APOL4: variants seen among roughly 807,000 people sequenced by gnomAD.
APOL4 encodes apolipoprotein L4.
Under a neutral mutation model 12.1 loss-of-function variants are expected in APOL4, and 14 were observed. The ratio of observed to expected loss-of-function variants is 1.16; its 90% CI spans 0.76 to 1.81. APOL4 has a LOEUF of 1.81. Among genes scored for constraint, APOL4 ranks in the 40% most tolerant of loss-of-function variants. The probability of loss-of-function intolerance (pLI) is 0.00; values close to 1 mark genes in which losing one functional copy is unlikely to be tolerated. For missense variants in APOL4, 432 were observed against 423.1 expected (o/e 1.02, Z -0.18); for synonymous variants, 171 against 160.6 (o/e 1.06, Z -0.49).
chr22:36,192,450 G>A (rs893072658), intron 3 of APOL4, among the ~76,000 whole-genome samples: 2 of 152,102 alleles, frequency 1.3e-5, no homozygotes, highest in African/African-American at 4.8e-5. Flanking sequence ...GTCATCTTCC[G>A]ATGCTCTTTA....
chr22:36,204,002 G>C (rs1371691689), upstream of APOL4, among the ~76,000 whole-genome samples: 1 of 152,148 alleles, frequency 6.6e-6, no homozygotes, highest in Non-Finnish European at 1.5e-5. Context: ...AGAGGTGAGG[G>C]CCACAGACAT....
At position 36,200,026 on chromosome 22, in the gene APOL4, C is replaced by T. The variant is rs572010358; in HGVS notation, c.36-650G>A. The stretch of plus-strand genomic sequence containing the variant: ...GTTTCACCGTGTTAGCCAGGATGGT[C>T]TCGATCTCCTGACCTCATGATCAGC... On this transcript the variant is annotated intron_variant, in intron 1 of 3. Transcript: ENST00000683024. Among the ~76,000 whole-genome samples the T allele has an allele frequency of 2.6e-5, 4 of 151,778 alleles. No homozygotes were observed. In the East Asian group the frequency reaches 7.9e-4, roughly 30 times the overall value.
intron 1 of APOL4, 74 bp from the exon 2 acceptor site, chr22:36,199,450 G>A (rs2014505423): frequency 1.9e-6 from 3 of 1,613,050 alleles, no homozygotes; most frequent in Non-Finnish European, 2.5e-6. Flanking sequence ...GAACAGCTGG[G>A]CCTCTGCAGA....
chr22:36,192,914 A>G (rs1340703106), intron 3 of APOL4, among the ~76,000 whole-genome samples: 1 of 152,204 alleles, frequency 6.6e-6, no homozygotes, highest in Non-Finnish European at 1.5e-5. Context: ...TCATGAGTTA[A>G]GAAAGACTTA....
chr22:36,193,493 A>G (rs4821463), intron 3 of APOL4, among the ~76,000 whole-genome samples: 86,055 of 152,066 alleles, frequency 0.57, 24,931 homozygotes, highest in East Asian at 0.82. Context: ...TCTGCCCTGT[A>G]TGTCTCTTCC....
chr22:36,202,734 G>C (rs5995245), upstream of APOL4, among the ~76,000 whole-genome samples: 1 of 143,218 alleles, frequency 7.0e-6, no homozygotes, highest in Non-Finnish European at 1.5e-5. Flanking sequence ...TCAGAAAAAA[G>C]AAAAAAAAAA....
intron 2 of APOL4, among the ~76,000 whole-genome samples, chr22:36,198,413 ACCT>A (rs1196762306): frequency 1.3e-5 from 2 of 151,782 alleles, no homozygotes; most frequent in Non-Finnish European, 2.9e-5. Flanking sequence ...ATAACACAAA[ACCT>A]CCTCCAGTTT....
At chr22:36,201,897 A>G, upstream of APOL4, 1 of 1,603,280 alleles carries the variant, frequency 6.2e-7, no homozygotes, top group South Asian at 1.1e-5. Context: ...TCCTAGAAAA[A>G]CCCACATGGC....
chr22:36,198,756 G>A (rs1418349975), intron 2 of APOL4, among the ~76,000 whole-genome samples: 1 of 152,198 alleles, frequency 6.6e-6, no homozygotes, highest in Non-Finnish European at 1.5e-5. Flanking sequence ...GAGGAGTAAG[G>A]AGCTCCAGGT....
chr22:36,197,518 A>G, intron 2 of APOL4: 1 of 1,348,626 alleles, frequency 7.4e-7, no homozygotes, highest in Non-Finnish European at 9.6e-7. Flanking sequence ...CAAAATTAAA[A>G]TAAAAACCAG....
intron 3 of APOL4, among the ~76,000 whole-genome samples, chr22:36,193,229 G>A (rs1017687189): frequency 5.9e-5 from 9 of 152,206 alleles, no homozygotes; most frequent in South Asian, 2.1e-4. Flanking sequence ...TCCATCTGCC[G>A]CCCCTTACCC....
At chr22:36,202,273 A>G (rs2014605972), upstream of APOL4, among the ~76,000 whole-genome samples, 1 of 151,956 alleles carries the variant, frequency 6.6e-6, no homozygotes, top group Non-Finnish European at 1.5e-5. Flanking sequence ...TGCTGGGCTA[A>G]TTTGTTAATT....
At chr22:36,199,105 C>T (rs940892879) in intron 2 of APOL4, among the ~76,000 whole-genome samples, 2 of 152,234 alleles carry the variant, frequency 1.3e-5, no homozygotes, top group African/African-American at 4.8e-5. Context: ...TGGGCCATGA[C>T]CCGCTGAGGA....
At chr22:36,199,224 G>C in intron 2 of APOL4, 106 bp downstream of exon 2, 1 of 1,484,746 alleles carries the variant, frequency 6.7e-7, no homozygotes, top group South Asian at 1.1e-5. Flanking sequence ...GTTCCGTTGG[G>C]GCTCACTCAG....
chr22:36,200,225 T>A (rs1432136380), intron 1 of APOL4, among the ~76,000 whole-genome samples: 1 of 152,228 alleles, frequency 6.6e-6, no homozygotes, highest in Non-Finnish European at 1.5e-5. Flanking sequence ...AACTTGCCAG[T>A]GTTTTCTATT....
Position 36,189,811 on chromosome 22 carries a change from G to C in APOL4, c.*1264C>G, listed in dbSNP as rs189590278. 6.6e-6 allele frequency: 1 copy of C among 152,434 alleles called. No homozygotes were observed. 9.4% of individuals were successfully genotyped at this position (152,434 alleles called of 1,614,324 possible). ...CCAGCATTTCTGCCTTCTCCTTGGCGCACTTGCCATCTTGAGTAACCCCTC... is the reference window on the plus strand; with the variant it reads ...CCAGCATTTCTGCCTTCTCCTTGGCCCACTTGCCATCTTGAGTAACCCCTC... On this transcript the variant is annotated 3_prime_UTR_variant, in exon 4 of 4. Transcript: ENST00000683024.
intron 2 of APOL4, among the ~76,000 whole-genome samples, chr22:36,197,208 T>A (rs1218040767): frequency 6.6e-6 from 1 of 152,180 alleles, no homozygotes; most frequent in Admixed American, 6.5e-5. Context: ...CAGCTTCTAA[T>A]CTTCCCTGCC....
Position 36,199,390 on chromosome 22 carries a change from A to C in APOL4, c.36-14T>G, listed in dbSNP as rs764047836. On this transcript the variant is annotated splice_polypyrimidine_tract_variant and intron_variant, in intron 1 of 3. Transcript: ENST00000683024. Reference sequence around the variant, plus strand: ...TTTTGCTGCACCCTTGAGGAAGAGAAAACAAATTGTGGGATTGAATGTGAG... The same window carrying C: ...TTTTGCTGCACCCTTGAGGAAGAGACAACAAATTGTGGGATTGAATGTGAG... The C allele has an allele frequency of 6.2e-7, 1 of 1,614,048 alleles. No homozygotes were observed. The highest frequency in any genetic ancestry group is 1.3e-5 in the African/African-American group (1 of 75,050).
rs368043885 is a variant in APOL4 at position 36,196,273 on chromosome 22, A to G, written c.83-836T>C. On this transcript the variant is annotated intron_variant, in intron 2 of 3. Coordinates refer to ENST00000683024, the MANE Select transcript of APOL4 (RefSeq NM_001386885.1). ...AAAAGAGCATTGAAAATATCAGAGTATATTGAACATAGCAAGAGTGAGTAT... is the reference window on the plus strand; with the variant it reads ...AAAAGAGCATTGAAAATATCAGAGTGTATTGAACATAGCAAGAGTGAGTAT... Among the ~76,000 whole-genome samples the G allele has an allele frequency of 3.5e-3, 535 of 152,348 alleles. 1 individual carries two copies. The highest frequency in any genetic ancestry group is 5.9e-3 in the African/African-American group (244 of 41,580).
Sources: gnomAD v4.1 joint callset for allele counts (sites outside exome capture counted in the v4.1 genomes callset) on GRCh38, gnomAD v4.1.1 for gene constraint, MANE v1.5 for transcripts, NCBI Gene and HGNC (gene_info 2026-07-23, HGNC 2026-07-21) for gene names.